The following CEP128 variants were observed in gnomAD, a reference collection of about 807,000 sequenced individuals.
CEP128 encodes the protein centrosomal protein 128.
In CEP128, 132 loss-of-function variants were observed where a neutral mutation model predicts 156.7. The observed-to-expected ratio is 0.84, with a 90% CI of 0.73 to 0.97. The LOEUF (loss-of-function observed/expected upper bound fraction) is 0.97. Ranked by LOEUF, CEP128 falls within the 50% of genes least tolerant of loss-of-function variation. The pLI is 0.00. For synonymous variants in CEP128, 469 were observed against 448.9 expected, an observed-to-expected ratio of 1.04 and a Z score of -0.57; for missense variants, 1,252 against 1,281.9, an observed-to-expected ratio of 0.98 and a Z score of 0.36.
chr14:80,586,855 A>C (rs1260085154), intron 19 of CEP128, among the ~76,000 whole-genome samples: 1 of 152,176 alleles, frequency 6.6e-6, no homozygotes, highest in Non-Finnish European at 1.5e-5. Context: ...TTAATATAAC[A>C]TTTACCAGCA....
At chr14:80,571,503 G>T (rs1891138181) in intron 20 of CEP128, among the ~76,000 whole-genome samples, 1 of 152,104 alleles carries the variant, frequency 6.6e-6, no homozygotes, top group African/African-American at 2.4e-5. Context: ...AATAGTACAT[G>T]TAATGCAGAG....
intron 8 of CEP128, among the ~76,000 whole-genome samples, chr14:80,888,500 C>T (rs1888921244): frequency 6.6e-6 from 1 of 152,134 alleles, no homozygotes; most frequent in African/African-American, 2.4e-5. Flanking sequence ...AAACATAATC[C>T]ATCACATAAA....
rs568837739 is a variant in CEP128, at chr14:80,832,277, C to G, written c.1058-983G>C. Among the ~76,000 whole-genome samples the G allele has an allele frequency of 3.9e-5, 6 of 152,078 alleles. 1 individual carries two copies. The highest frequency in any genetic ancestry group is 1.4e-4 in the African/African-American group (6 of 41,486). Reference sequence around the variant, plus strand: ...AGTGTGAGAACAGAATAATACACATCCCAAGAATAGAGACAAAATATAAAG... The same window carrying G: ...AGTGTGAGAACAGAATAATACACATGCCAAGAATAGAGACAAAATATAAAG... On this transcript the variant is annotated intron_variant, in intron 12 of 24. Coordinates refer to ENST00000555265, the MANE Select transcript of CEP128 (RefSeq NM_152446.5).
chr14:80,551,652 G>C (rs1238066401), intron 21 of CEP128, among the ~76,000 whole-genome samples: 1 of 152,178 alleles, frequency 6.6e-6, no homozygotes, highest in African/African-American at 2.4e-5. Context: ...AAATACTGCT[G>C]CCTTTAATGA....
chr14:80,822,635 G>A (rs769725750), intron 13 of CEP128: 17 of 739,054 alleles, frequency 2.3e-5, no homozygotes, highest in Non-Finnish European at 4.0e-5. Flanking sequence ...TCCAAAGCCA[G>A]AACCCAAGCG....
In CEP128 at chr14:80,835,104, G is replaced by T. The variant is rs78316711; in HGVS notation, c.1057+1101C>A. Among the ~76,000 whole-genome samples, 4 of 152,116 alleles carry T rather than the reference G, an allele frequency of 2.6e-5. No homozygotes were observed. The East Asian group carries it at 7.7e-4, about 29-fold the overall frequency. The stretch of plus-strand genomic sequence containing the variant: ...TCAGACAAGAGTGGGTTGTCAGAAC[G>T]CCAGGACATCCCTTGAATTTGGTCC... On this transcript the variant is annotated intron_variant, in intron 12 of 24. Transcript: ENST00000555265.
At chr14:80,677,987 G>T (rs952640302) in intron 19 of CEP128, among the ~76,000 whole-genome samples, 1 of 148,972 alleles carries the variant, frequency 6.7e-6, no homozygotes, top group African/African-American at 2.5e-5. Context: ...TTAAGAAAAG[G>T]TTATTTATCA....
intron 2 of CEP128, among the ~76,000 whole-genome samples, chr14:80,922,504 G>C (rs990803226): frequency 6.6e-6 from 1 of 152,094 alleles, no homozygotes; most frequent in Non-Finnish European, 1.5e-5. Context: ...TAAACTACTA[G>C]AATGAACATA....
At chr14:80,957,666 C>T (rs2139676300) in intron 2 of CEP128, 1 of 152,228 alleles carries the variant, frequency 6.6e-6, no homozygotes, top group African/African-American at 2.4e-5. Context: ...TTTAAAATTC[C>T]ACCAAAAGTT....
In CEP128 at chr14:80,781,442, C is replaced by T. The variant is rs754958261; in HGVS notation, c.2212-3396G>A. ...ACTGCACTCCAGCCTGGTGACAGAGCGAGACTCCGTCTCAAAAAAAAAAAA... is the reference window on the plus strand; with the variant it reads ...ACTGCACTCCAGCCTGGTGACAGAGTGAGACTCCGTCTCAAAAAAAAAAAA... On this transcript the variant is annotated intron_variant, in intron 15 of 24. Coordinates refer to ENST00000555265, the MANE Select transcript of CEP128 (RefSeq NM_152446.5). Among the ~76,000 whole-genome samples the T allele has an allele frequency of 8.0e-4, 97 of 120,898 alleles. 2 individuals carry two copies. Among genetic ancestry groups the T allele is most frequent in the South Asian group, 2.3e-3 (9 of 3,948 alleles). 79.3% of individuals were successfully genotyped at this position (120,898 alleles called of 152,430 possible). A position where few individuals can be genotyped will look rare whatever the true frequency, so the allele number is the denominator to read the frequency against.
intron 19 of CEP128, among the ~76,000 whole-genome samples, chr14:80,686,611 A>G (rs1003661037): frequency 1.3e-5 from 2 of 152,188 alleles, no homozygotes; most frequent in African/African-American, 4.8e-5. Context: ...TAAATGCTCC[A>G]ATTAAAAGAC....
At chr14:80,768,731 C>A (rs562077591) in intron 16 of CEP128, among the ~76,000 whole-genome samples, 1 of 152,254 alleles carries the variant, frequency 6.6e-6, no homozygotes, top group African/African-American at 2.4e-5. Context: ...GGCAGGCTTA[C>A]AAAAGTTTGT....
intron 8 of CEP128, among the ~76,000 whole-genome samples, chr14:80,891,333 G>T (rs1210129238): frequency 6.6e-6 from 1 of 151,932 alleles, no homozygotes; most frequent in Non-Finnish European, 1.5e-5. Flanking sequence ...AATAAATAAA[G>T]AAAATGTGGT....
At chr14:80,779,966 C>T (rs1901016160) in intron 15 of CEP128, among the ~76,000 whole-genome samples, 2 of 152,140 alleles carry the variant, frequency 1.3e-5, no homozygotes, top group Non-Finnish European at 2.9e-5. Flanking sequence ...AACTCCAATC[C>T]TGCATCTTCT....
At chr14:80,574,122 C>G (rs1891258583) in intron 20 of CEP128, among the ~76,000 whole-genome samples, 1 of 152,052 alleles carries the variant, frequency 6.6e-6, no homozygotes, top group Non-Finnish European at 1.5e-5. Flanking sequence ...TTTAATGAAA[C>G]CTTAAACAGT....
chr14:80,578,634 C>G lies in CEP128; in HGVS notation c.2856+1740G>C, dbSNP rs532240722. Among the ~76,000 whole-genome samples, 3 of 152,236 alleles carry G rather than the reference C, an allele frequency of 2.0e-5. No individual in the cohort carries two copies. The South Asian group carries it at 6.2e-4, about 32-fold the overall frequency. On this transcript the variant is annotated intron_variant, in intron 20 of 24. Coordinates refer to ENST00000555265, the MANE Select transcript of CEP128 (RefSeq NM_152446.5). ...AGTGAACCAGAAACACAGCCAGGTA[C>G]TATTGTGTCATTGTAGGATTTCAGC...
At chr14:80,856,803 T>C (rs1887198518) in intron 9 of CEP128, among the ~76,000 whole-genome samples, 1 of 131,140 alleles carries the variant, frequency 7.6e-6, no homozygotes, top group Non-Finnish European at 1.6e-5. Context: ...CAATTCCAGC[T>C]CCCTACAACC....
intron 21 of CEP128, among the ~76,000 whole-genome samples, chr14:80,545,822 A>G (rs1257939122): frequency 6.6e-6 from 1 of 152,174 alleles, no homozygotes; most frequent in Non-Finnish European, 1.5e-5. Context: ...GCAATTCTTG[A>G]AGGACATGTT....
chr14:80,904,443 A>C (rs1388541756), intron 6 of CEP128, among the ~76,000 whole-genome samples: 1 of 152,142 alleles, frequency 6.6e-6, no homozygotes, highest in Non-Finnish European at 1.5e-5. Context: ...CATCAGGATG[A>C]CCAATGTCAA....
Sources: gnomAD v4.1 joint callset for allele counts (sites outside exome capture counted in the v4.1 genomes callset) on GRCh38, gnomAD v4.1.1 for gene constraint, MANE v1.5 for transcripts, NCBI Gene and HGNC (gene_info 2026-07-23, HGNC 2026-07-21) for gene names.